ABCA2: variants seen among roughly 807,000 people sequenced by gnomAD.
The protein encoded by ABCA2 is ATP binding cassette subfamily A member 2.
In ABCA2, 84 loss-of-function variants were observed where a neutral mutation model predicts 262.8. The observed-to-expected ratio is 0.32, with a 90% confidence interval of 0.27 to 0.38. The LOEUF (loss-of-function observed/expected upper bound fraction) is 0.38, where lower values mean the gene tolerates loss of function less well. Ranked by LOEUF, ABCA2 falls within the 10% of genes least tolerant of loss-of-function variation. The pLI is 1.00. For synonymous variants in ABCA2, 1,696 were observed against 1,502.9 expected (o/e 1.13, Z -2.97); for missense variants, 2,662 against 3,405.9 (o/e 0.78, Z 5.44).
At chr9:137,028,252 C>T (rs1831730343), upstream of ABCA2, 18 of 978,064 alleles carry the variant, frequency 1.8e-5, no homozygotes, top group African/African-American at 3.6e-5. This position sits in a 1 kb window ranked among gnomAD's most constrained non-coding sequence, Gnocchi z 6.9. Flanking sequence ...GCGGGGCGCT[C>T]GGGCGTCCGG....
chr9:137,020,493 G>A lies in ABCA2; in HGVS notation c.1268C>T (p.Thr423Ile), dbSNP rs1452131862. The A allele has an allele frequency of 2.5e-6, 4 of 1,591,680 alleles. No homozygotes were observed. The highest frequency in any genetic ancestry group is 3.4e-6 in the Non-Finnish European group (4 of 1,169,748). Reference sequence around the variant, plus strand: ...CCGCCGCAGCGCCTCGGGTTCAATGGTGCTGGGGTAGGGGACAGGGGGCCG... The same window carrying A: ...CCGCCGCAGCGCCTCGGGTTCAATGATGCTGGGGTAGGGGACAGGGGGCCG... ...LQPILCGNNR[T>I]IEPEALRRGN... The change falls in exon 10 of 49, where the codon ACC becomes ATC. Residue 423 changes from threonine to isoleucine, a missense_variant and splice_region_variant. Physicochemically the swap from Thr to Ile is moderately conservative, Grantham distance 89. Transcript: ENST00000341511.
intron 3 of ABCA2, 32 bp downstream of exon 3, chr9:137,023,805 AG>A: frequency 1.3e-6 from 1 of 754,556 alleles, no homozygotes; most frequent in Non-Finnish European, 2.4e-6. Flanking sequence ...GCTGCTGCCC[AG>A]GCCAGCCAGG....
intron 48 of ABCA2, 165 bp from the exon 49 acceptor site, chr9:137,008,129 C>T (rs1371415921): frequency 4.7e-5 from 44 of 935,508 alleles, no homozygotes; most frequent in Middle Eastern, 5.2e-4. Flanking sequence ...CTCCGTCTGC[C>T]GAGTCTGGGG....
chr9:137,012,906 G>C lies in ABCA2; in HGVS notation c.4887C>G (p.Pro1629=), dbSNP rs1423672344. The C allele has an allele frequency of 6.5e-7, 1 of 1,532,952 alleles. No homozygotes were observed. 95.0% of individuals were successfully genotyped at this position (1,532,952 alleles called of 1,614,324 possible). A position where few individuals can be genotyped will look rare whatever the true frequency, so the allele number is the denominator to read the frequency against. Residue 1629 remains proline (P), a synonymous_variant, in exon 31 of 49, where the codon CCC becomes CCG. Coordinates refer to ENST00000341511, the MANE Select transcript of ABCA2 (RefSeq NM_001606.5). ...GCTCCCGTACCAGGCGCGGCAGGGA[G>C]GGTGCCGACGTCCACATTTCTGTGG... ...TAGPEMWTSA[P]SLPRLVREPV...
Position 137,014,915 on chromosome 9 carries a change from G to A in ABCA2, c.3880C>T (p.Gln1294Ter). The A allele has an allele frequency of 6.4e-7, 1 of 1,572,384 alleles. No individual in the cohort carries two copies. The highest frequency in any genetic ancestry group is 8.6e-7 in the Non-Finnish European group (1 of 1,156,102). ...CCCCGACCCGTGCGCCCTCACACCTGGAAGAGGCGCTCGAAAGCCCCCTTC... is the reference window on the plus strand; with the variant it reads ...CCCCGACCCGTGCGCCCTCACACCTAGAAGAGGCGCTCGAAAGCCCCCTTC... ...AKKGAFERLF[Q>*]HLERSLDALH... is the part of the protein sequence containing the mutation. Residue 1294 changes from glutamine to a stop codon, truncating the protein, a stop_gained and splice_region_variant, in exon 25 of 49, where the codon CAG (glutamine) becomes TAG (stop). Coordinates refer to ENST00000341511, the MANE Select transcript of ABCA2 (RefSeq NM_001606.5). LOFTEE classifies it high-confidence loss of function.
intron 24 of ABCA2, 109 bp from the exon 25 acceptor site, chr9:137,015,206 G>A: frequency 7.6e-7 from 1 of 1,315,496 alleles, no homozygotes; most frequent in South Asian, 1.5e-5. Flanking sequence ...GAAGAACCAG[G>A]CCCCAGCAGG....
rs372104468 is a variant in ABCA2 at position 137,019,151 on chromosome 9, C to T, written c.1554+27G>A. 2.5e-6 allele frequency: 4 copies of T among 1,606,088 alleles called. No homozygotes were observed. The highest frequency in any genetic ancestry group is 1.3e-5 in the African/African-American group (1 of 74,824). Reference sequence around the variant, plus strand: ...AGGGGCTCCCCACACCACCCACAGCCGCCTCCCTCGCGGGCACCCTTGGCA... The same window carrying T: ...AGGGGCTCCCCACACCACCCACAGCTGCCTCCCTCGCGGGCACCCTTGGCA... On this transcript the variant is annotated intron_variant, in intron 11 of 48. Coordinates refer to ENST00000341511, the MANE Select transcript of ABCA2 (RefSeq NM_001606.5). The surrounding 1 kb of genome is among the most constrained non-coding windows in gnomAD (Gnocchi z 4.4).
intron 6 of ABCA2, 70 bp downstream of exon 6, chr9:137,022,281 G>A (rs1831495630): frequency 1.7e-5 from 25 of 1,498,156 alleles, no homozygotes; most frequent in Non-Finnish European, 2.2e-5. Context: ...TCCTGAGGAT[G>A]GCTCAGCAAC....
intron 45 of ABCA2, 40 bp from the exon 46 acceptor site, chr9:137,009,093 C>CA: frequency 6.3e-7 from 1 of 1,576,784 alleles, no homozygotes; most frequent in Non-Finnish European, 8.6e-7. Context: ...CTGCGCCGCC[C>CA]AGCCAGAGCC....
Position 137,011,963 on chromosome 9 carries a change from C to T in ABCA2, c.5416G>A (p.Val1806Met). Residue 1806 changes from valine (V) to methionine (M), a missense_variant, in exon 35 of 49, where the codon GTG (valine) becomes ATG (methionine). This residue lies in a region of ABCA2 where 602 missense variants were observed against 897.4 expected (regional missense o/e 0.67). Transcript: ENST00000341511. The surrounding 1 kb of genome is among the most constrained non-coding windows in gnomAD (Gnocchi z 8.8). ...AGGAAGACAACGAAGCTGGCCGGCACGAAGGACATGGCCACGATGATGAAG... is the reference window on the plus strand; with the variant it reads ...AGGAAGACAACGAAGCTGGCCGGCATGAAGGACATGGCCACGATGATGAAG... ...AIFIIVAMSFVPASFVVFLVA... is the reference protein window; with the variant it reads ...AIFIIVAMSFMPASFVVFLVA... 1.9e-6 allele frequency: 3 copies of T among 1,612,684 alleles called. No individual in the cohort carries two copies. The highest frequency in any genetic ancestry group is 1.3e-5 in the African/African-American group (1 of 75,030).
Position 137,009,352 on chromosome 9 carries a change from G to T in ABCA2, c.6827+18C>A. The T allele has an allele frequency of 2.0e-6, 1 of 496,522 alleles. No individual in the cohort carries two copies. The highest frequency in any genetic ancestry group is 3.5e-6 in the Non-Finnish European group (1 of 288,100). 30.8% of individuals were successfully genotyped at this position (496,522 alleles called of 1,614,324 possible). ...CCCGGGCCCGCCCCAGCCCACCCCT[G>T]GCCCTGCCCCGGCTCACCGGTTCTT... On this transcript the variant is annotated intron_variant, in intron 45 of 48. Coordinates refer to ENST00000341511, the MANE Select transcript of ABCA2 (RefSeq NM_001606.5).
rs764214621 is a variant in ABCA2 at position 137,017,003 on chromosome 9, T to C, written c.2675A>G (p.Asn892Ser). 4 of 1,612,774 alleles carry C rather than the reference T, an allele frequency of 2.5e-6. No individual in the cohort carries two copies. The South Asian group carries it at 4.4e-5, about 18-fold the overall frequency. The change falls in exon 19 of 49, where the codon AAC becomes AGC. Residue 892 changes from asparagine to serine, a missense_variant. This residue lies in a region of ABCA2 where 188 missense variants were observed against 343.4 expected (regional missense o/e 0.55). Transcript: ENST00000341511. ...CAGCATGGTGACAGCCAGGAGCAAG[T>C]TGAAGTCGTCCCCCTCCACCGGGGA... is the stretch of plus-strand genomic sequence containing the variant. ...SQSPVEGDDF[N>S]LLLAVTMLMV...
Position 137,011,154 on chromosome 9 carries a change from C to T in ABCA2, c.5923+32G>A, listed in dbSNP as rs564952865. 2 of 1,612,334 alleles carry T rather than the reference C, an allele frequency of 1.2e-6. No individual in the cohort carries two copies. The highest frequency in any genetic ancestry group is 1.7e-6 in the Non-Finnish European group (2 of 1,179,742). On this transcript the variant is annotated intron_variant, in intron 38 of 48. Transcript: ENST00000341511. The surrounding 1 kb of genome is among the most constrained non-coding windows in gnomAD (Gnocchi z 8.8). ...TGTGCTCTGGGCCTTGCGGGGCCCC[C>T]ACCGCCTTCCCCGCCCCACGGGCCC... is the stretch of plus-strand genomic sequence containing the variant.
At position 137,012,724 on chromosome 9, in the gene ABCA2, A is replaced by C; in HGVS notation, c.5069T>G (p.Phe1690Cys). 6.2e-7 allele frequency: 1 copy of C among 1,612,520 alleles called. No homozygotes were observed. The highest frequency in any genetic ancestry group is 2.2e-5 in the East Asian group (1 of 44,858). ...SEYLLFTSDR[F>C]RLHRYGAITF... ...CCACCCAGCTCACCGGTGCAGTCGG[A>C]AGCGGTCGGAGGTGAAGAGCAGGTA... The change falls in exon 31 of 49, where the codon TTC becomes TGC. Residue 1690 changes from phenylalanine (F) to cysteine (C), a missense_variant. Around this residue, in one of 12 missense-constraint regions of ABCA2, gnomAD observed 602 missense variants for 897.4 expected, o/e 0.67. Coordinates refer to ENST00000341511, the MANE Select transcript of ABCA2 (RefSeq NM_001606.5).
At position 137,021,088 on chromosome 9, in the gene ABCA2, T is replaced by C; in HGVS notation, c.898-27A>G. The C allele has an allele frequency of 1.4e-6, 2 of 1,461,034 alleles. No homozygotes were observed. The highest frequency in any genetic ancestry group is 1.4e-5 in the South Asian group (1 of 70,172). 90.5% of individuals were successfully genotyped at this position (1,461,034 alleles called of 1,614,324 possible). A position where few individuals can be genotyped will look rare whatever the true frequency, so the allele number is the denominator to read the frequency against. ...TGAGGGGAAACAGGCACGTGGGCAG[T>C]GCGGGGTGAGATGGACTGCAGGTGG... On this transcript the variant is annotated intron_variant, in intron 8 of 48. Coordinates refer to ENST00000341511, the MANE Select transcript of ABCA2 (RefSeq NM_001606.5). The surrounding 1 kb of genome is among the most constrained non-coding windows in gnomAD (Gnocchi z 6.0).
chr9:137,011,238 C>T lies in ABCA2; in HGVS notation c.5871G>A (p.Gly1957=). 8 of 1,612,624 alleles carry T rather than the reference C, an allele frequency of 5.0e-6. No homozygotes were observed. The highest frequency in any genetic ancestry group is 5.9e-6 in the Non-Finnish European group (7 of 1,179,894). ...LIFPNYNLGH[G]LMEMAYNEYI... The stretch of plus-strand genomic sequence containing the variant: ...ACTCGTTGTAGGCCATCTCCATGAG[C>T]CCGTGGCCCAGGTTGTAGTTGGGGA... The change falls in exon 38 of 49, where the codon GGG becomes GGA. Residue 1957 remains glycine, a synonymous_variant. Transcript: ENST00000341511. This position sits in a 1 kb window ranked among gnomAD's most constrained non-coding sequence, Gnocchi z 8.8.
Position 137,021,838 on chromosome 9 carries a change from A to AC in ABCA2, c.678+52dup. The AC allele has an allele frequency of 6.7e-7, 1 of 1,484,656 alleles. No homozygotes were observed. The highest frequency in any genetic ancestry group is 9.2e-7 in the Non-Finnish European group (1 of 1,085,088). The allele number at this position is 1,484,656 out of a possible 1,614,324, so 92.0% of individuals were successfully genotyped here. On this transcript the variant is annotated intron_variant, in intron 7 of 48. Coordinates refer to ENST00000341511, the MANE Select transcript of ABCA2 (RefSeq NM_001606.5). This position sits in a 1 kb window ranked among gnomAD's most constrained non-coding sequence, Gnocchi z 6.0. ...CTTTCCTCACCCACGGAGCAGAAGC[A>AC]CCCCCAGAGGCAGGCAGCACTCCAG...
rs777428826 is a variant in ABCA2, at chr9:137,021,107, C to T, written c.898-46G>A. 2.1e-6 allele frequency: 3 copies of T among 1,448,002 alleles called. No individual in the cohort carries two copies. The African/African-American group carries it at 4.3e-5, about 21-fold the overall frequency. 89.7% of individuals were successfully genotyped at this position (1,448,002 alleles called of 1,614,324 possible). ...GGGCAGTGCGGGGTGAGATGGACTG[C>T]AGGTGGGTGATAGGTCAGGAGTGGA... is the stretch of plus-strand genomic sequence containing the variant. On this transcript the variant is annotated intron_variant, in intron 8 of 48. Transcript: ENST00000341511. The surrounding 1 kb of genome is among the most constrained non-coding windows in gnomAD (Gnocchi z 6.0).
At chr9:137,015,229 AG>A in intron 24 of ABCA2, 132 bp from the exon 25 acceptor site, 2 of 1,235,788 alleles carry the variant, frequency 1.6e-6, no homozygotes. Flanking sequence ...TCCTGGGCCC[AG>A]GGGGTGACGC....
Sources: allele counts gnomAD v4.1 joint callset, GRCh38; gene constraint gnomAD v4.1.1; regional missense constraint gnomAD v4.1.1; non-coding constraint Gnocchi (gnomAD v3.1); transcripts MANE v1.5; gene names NCBI Gene and HGNC (gene_info 2026-07-23, HGNC 2026-07-21).